Variants in MEIG1 observed in about 807,000 individuals in gnomAD.
The protein encoded by MEIG1 is meiosis/spermiogenesis associated 1.
A neutral mutation model predicts 11.3 loss-of-function variants in MEIG1; 12 were observed. That is an observed-to-expected ratio of 1.07 (90% CI 0.68 to 1.73). The LOEUF is 1.73. Ranked by LOEUF, MEIG1 falls within the 40% of genes most tolerant of loss-of-function variation. The probability of loss-of-function intolerance (pLI) is 0.00; values close to 1 mark genes in which losing one functional copy is unlikely to be tolerated. For missense variants in MEIG1, 119 were observed against 104.9 expected, an observed-to-expected ratio of 1.13 and a Z score of -0.59; for synonymous variants, 41 against 33.2, an observed-to-expected ratio of 1.24 and a Z score of -0.81.
chr10:14,972,217 G>A (rs144071839), intron 2 of MEIG1, among the ~76,000 whole-genome samples: 1 of 152,192 alleles, frequency 6.6e-6, no homozygotes, highest in African/African-American at 2.4e-5. Flanking sequence ...GTTTCACCAT[G>A]TTGGCCAGGT....
chr10:14,972,684 C>T lies in MEIG1; in HGVS notation c.*43C>T, dbSNP rs766145467. ...ACTTGTCAATTATATTTTAAGTATT[C>T]ATCATTTCCTTCTACATCATGTGTT... On this transcript the variant is annotated 3_prime_UTR_variant, in exon 3 of 3. Coordinates refer to ENST00000407572, the MANE Select transcript of MEIG1 (RefSeq NM_001080836.3). 6.7e-6 allele frequency: 10 copies of T among 1,497,576 alleles called. No homozygotes were observed. The highest frequency in any genetic ancestry group is 9.0e-6 in the Non-Finnish European group (10 of 1,110,764). The allele number at this position is 1,497,576 out of a possible 1,614,324, so 92.8% of individuals were successfully genotyped here.
chr10:14,975,171 C>T (rs941455584), downstream of MEIG1, among the ~76,000 whole-genome samples: 2 of 152,094 alleles, frequency 1.3e-5, no homozygotes, highest in Non-Finnish European at 2.9e-5. Context: ...CTATTACTCC[C>T]GGTATCACAG....
chr10:14,981,512 G>C (rs112767674), intron 1 of MEIG1, among the ~76,000 whole-genome samples: 67 of 152,292 alleles, frequency 4.4e-4, no homozygotes, highest in Admixed American at 6.5e-4. Flanking sequence ...GTGATGTCAA[G>C]AGTCTTTTTG....
At chr10:14,986,930 T>C (rs1843324258) in exon 2 of MEIG1, 9 of 638,182 alleles carry the variant, frequency 1.4e-5, no homozygotes, top group South Asian at 1.3e-4. Flanking sequence ...TTCTTGATGA[T>C]GGTGAATTGT....
intron 1 of MEIG1, among the ~76,000 whole-genome samples, chr10:14,983,406 T>C (rs1484428068): frequency 6.6e-6 from 1 of 152,026 alleles, no homozygotes; most frequent in Non-Finnish European, 1.5e-5. Context: ...CCCTCTGATA[T>C]TCTTCCTAGC....
At chr10:14,968,587 A>G (rs1843114708) in intron 2 of MEIG1, among the ~76,000 whole-genome samples, 1 of 152,196 alleles carries the variant, frequency 6.6e-6, no homozygotes, top group Non-Finnish European at 1.5e-5. Flanking sequence ...TTTAATAGAC[A>G]TTAATTTAAT....
At chr10:14,965,088 C>T (rs1843064553) in intron 1 of MEIG1, among the ~76,000 whole-genome samples, 2 of 87,786 alleles carry the variant, frequency 2.3e-5, no homozygotes, top group African/African-American at 7.4e-5. Flanking sequence ...CCAGCCTTTC[C>T]CTGTTATACC....
At chr10:14,986,290 A>G (rs185005564) in intron 1 of MEIG1, among the ~76,000 whole-genome samples, 1 of 152,156 alleles carries the variant, frequency 6.6e-6, no homozygotes, top group Non-Finnish European at 1.5e-5. Flanking sequence ...GCACCATCAC[A>G]CTTCAGCCTG....
chr10:14,968,797 G>C (rs1843117245), intron 2 of MEIG1, among the ~76,000 whole-genome samples: 1 of 152,058 alleles, frequency 6.6e-6, no homozygotes, highest in Admixed American at 6.6e-5. Context: ...ATAAGCTTTG[G>C]GCTGGGCGTG....
exon 3 of MEIG1, chr10:14,988,002 T>G (rs1206073576): frequency 1.3e-5 from 2 of 152,688 alleles, no homozygotes; most frequent in East Asian, 1.9e-4. Context: ...TTATCATCCT[T>G]CGGTTTTCTG....
chr10:14,963,705 C>G (rs1309371154), intron 1 of MEIG1, among the ~76,000 whole-genome samples: 2 of 152,192 alleles, frequency 1.3e-5, no homozygotes, highest in Non-Finnish European at 2.9e-5. Flanking sequence ...TGGCTTACAC[C>G]TGTAATCACA....
chr10:14,979,196 C>G (rs968580350), intron 1 of MEIG1, among the ~76,000 whole-genome samples: 1 of 151,824 alleles, frequency 6.6e-6, no homozygotes, highest in African/African-American at 2.4e-5. Context: ...AGGTTGTACA[C>G]GCTGTGATAT....
intron 1 of MEIG1, among the ~76,000 whole-genome samples, chr10:14,964,979 G>T (rs1459436764): frequency 6.6e-6 from 1 of 151,940 alleles, no homozygotes; most frequent in Non-Finnish European, 1.5e-5. Context: ...TAGAGACGGG[G>T]TTTCACCATG....
In MEIG1 at chr10:14,986,775, A is replaced by G. The variant is rs1341114572; in HGVS notation, n.67-21A>G. On this transcript the variant is annotated intron_variant and non_coding_transcript_variant, in intron 1 of 2. Transcript: ENST00000467536. ...CAGGCAGGCGTCACCAAGCCTGACT[A>G]ATAGTTTGTTTTTTCCGTAGAGACG... 8.8e-6 allele frequency: 3 copies of G among 340,560 alleles called. No individual in the cohort carries two copies. In the East Asian group the frequency reaches 2.4e-4, roughly 28 times the overall value. 21.1% of individuals were successfully genotyped at this position (340,560 alleles called of 1,614,324 possible). A position where few individuals can be genotyped will look rare whatever the true frequency, so the allele number is the denominator to read the frequency against.
chr10:14,957,596 G>C (rs1842963864), upstream of MEIG1, among the ~76,000 whole-genome samples: 1 of 152,102 alleles, frequency 6.6e-6, no homozygotes, highest in African/African-American at 2.4e-5. Context: ...GCCATTGCAG[G>C]GTTGTGAGCA....
intron 1 of MEIG1, among the ~76,000 whole-genome samples, chr10:14,982,210 A>G (rs1298057802): frequency 3.3e-5 from 5 of 152,104 alleles, no homozygotes; most frequent in Admixed American, 6.6e-5. Context: ...CCTTGTTAAC[A>G]TTTGTGGCCT....
chr10:14,964,468 G>A (rs1259397141), intron 1 of MEIG1, among the ~76,000 whole-genome samples: 4 of 150,914 alleles, frequency 2.7e-5, no homozygotes, highest in African/African-American at 4.9e-5. Context: ...TTAATTAATC[G>A]TATATTTAGC....
At chr10:14,971,894 A>T (rs926854149) in intron 2 of MEIG1, among the ~76,000 whole-genome samples, 4 of 152,160 alleles carry the variant, frequency 2.6e-5, no homozygotes, top group African/African-American at 9.7e-5. Flanking sequence ...AGCTGGGAGG[A>T]TCACTTGACT....
chr10:14,984,024 C>T (rs190331488), intron 1 of MEIG1, among the ~76,000 whole-genome samples: 1 of 152,164 alleles, frequency 6.6e-6, no homozygotes, highest in Admixed American at 6.5e-5. Flanking sequence ...TTCTTAATAT[C>T]CAGGGGCAAG....
Sources: allele counts gnomAD v4.1 joint callset (sites outside exome capture counted in the v4.1 genomes callset), GRCh38; gene constraint gnomAD v4.1.1; transcripts MANE v1.5; gene names NCBI Gene and HGNC (gene_info 2026-07-23, HGNC 2026-07-21).